Variants in NPEPL1 observed in about 807,000 individuals in gnomAD.
The protein encoded by NPEPL1 is aminopeptidase like 1, also known as probable aminopeptidase NPEPL1.
Under a neutral mutation model 52.4 loss-of-function variants are expected in NPEPL1, and 45 were observed. The ratio of observed to expected loss-of-function variants is 0.86; its 90% confidence interval spans 0.68 to 1.10. The LOEUF (loss-of-function observed/expected upper bound fraction) is 1.10, where lower values mean the gene tolerates loss of function less well. NPEPL1 is among the 50% of genes least tolerant of loss of function. The pLI is 0.00. For synonymous variants in NPEPL1, 360 were observed against 314.7 expected (o/e 1.14, Z -1.52); for missense variants, 696 against 710.9 (o/e 0.98, Z 0.24).
upstream of NPEPL1, chr20:58,691,310 T>C (rs2084338254): frequency 1.6e-6 from 1 of 642,336 alleles, no homozygotes; most frequent in Non-Finnish European, 2.8e-6. Flanking sequence ...AGCGTTGACT[T>C]TTATGTCGGG....
intron 7 of NPEPL1, chr20:58,711,082 CCCGCCT>C (rs1568859727): frequency 9.1e-6 from 1 of 109,312 alleles, no homozygotes; most frequent in Non-Finnish European, 1.8e-5. Flanking sequence ...CTCCTCCCCC[CCCGCCT>C]CCTCTCCTCC....
chr20:58,696,323 C>T (rs2123092254), intron 3 of NPEPL1, among the ~76,000 whole-genome samples: 1 of 152,340 alleles, frequency 6.6e-6, no homozygotes, highest in South Asian at 2.1e-4. Flanking sequence ...CCCAGGGAGG[C>T]CTGGCCCTCT....
chr20:58,700,114 C>T (rs1356381588), intron 5 of NPEPL1, among the ~76,000 whole-genome samples: 1 of 152,190 alleles, frequency 6.6e-6, no homozygotes, highest in Non-Finnish European at 1.5e-5. Flanking sequence ...GCTGTTTGAG[C>T]CACCCTCCGA....
chr20:58,703,952 T>C, intron 6 of NPEPL1: 2 of 985,394 alleles, frequency 2.0e-6, no homozygotes, highest in Non-Finnish European at 2.4e-6. Flanking sequence ...AGCTGGGTGT[T>C]CTGGCACCAG....
intron 10 of NPEPL1, 120 bp downstream of exon 10, chr20:58,714,213 C>G: frequency 8.9e-7 from 1 of 1,129,600 alleles, no homozygotes; most frequent in Non-Finnish European, 1.2e-6. Flanking sequence ...AGCCACAGTG[C>G]AGACGAGGGC....
At chr20:58,699,350 C>A in intron 5 of NPEPL1, 72 bp downstream of exon 5, 1 of 1,143,382 alleles carries the variant, frequency 8.7e-7, no homozygotes, top group South Asian at 1.5e-5. Flanking sequence ...GGCAGGGGGT[C>A]GGCGGGCCAC....
Position 58,713,436 on chromosome 20 carries a change from A to C in NPEPL1, c.1018A>C (p.Asn340His). The C allele has an allele frequency of 6.2e-7, 1 of 1,608,676 alleles. No homozygotes were observed. Residue 340 changes from asparagine (N) to histidine (H), a missense_variant, in exon 9 of 12, where the codon AAC becomes CAC. Physicochemically the swap from Asn to His is moderately conservative, Grantham distance 68 (BLOSUM62 1). Coordinates refer to ENST00000356091, the MANE Select transcript of NPEPL1 (RefSeq NM_024663.4). This position sits in a 1 kb window ranked among gnomAD's most constrained non-coding sequence, Gnocchi z 4.6. Reference protein sequence around the residue: ...LYSGKTVEINNTDAEGRLVLA... With the variant: ...LYSGKTVEINHTDAEGRLVLA... ...ATGCCCCAGGACGGTGGAAATCAAC[A>C]ACACGGATGCCGAGGGCAGGCTGGT...
At chr20:58,691,372 T>C, upstream of NPEPL1, 1 of 253,604 alleles carries the variant, frequency 3.9e-6, no homozygotes, top group Non-Finnish European at 6.6e-6. Flanking sequence ...AGCTTTTTTT[T>C]TTTTTTTTTT....
intron 2 of NPEPL1, 77 bp from the exon 3 acceptor site, chr20:58,694,345 G>A (rs1260117664): frequency 9.8e-6 from 14 of 1,431,820 alleles, no homozygotes; most frequent in Non-Finnish European, 6.6e-6. Flanking sequence ...ATGTTCCGGA[G>A]GCGTTCAAAG....
intron 6 of NPEPL1, chr20:58,704,117 C>CGGGG (rs1399734653): frequency 1.0e-6 from 1 of 985,270 alleles, no homozygotes; most frequent in Non-Finnish European, 1.2e-6. Flanking sequence ...GCAAAGACCC[C>CGGGG]AATCCTGACC....
chr20:58,708,327 CTG>C (rs924788268), intron 7 of NPEPL1, among the ~76,000 whole-genome samples: 3 of 152,236 alleles, frequency 2.0e-5, no homozygotes, highest in Non-Finnish European at 4.4e-5. Context: ...ACATTCCAGA[CTG>C]TGTGACGGGC....
At position 58,701,091 on chromosome 20, in the gene NPEPL1, C is replaced by T. The variant is rs777965170; in HGVS notation, c.755C>T (p.Thr252Met). The change falls in exon 6 of 12, where the codon ACG becomes ATG. Residue 252 changes from threonine (T) to methionine (M), a missense_variant. Thr to Met is a moderately conservative substitution (Grantham distance 81). Transcript: ENST00000356091. ...CTCAGCCACACCCCAGATGGAGCCACGCAGACCATCGCCTGGGTGGGCAAA... is the reference window on the plus strand; with the variant it reads ...CTCAGCCACACCCCAGATGGAGCCATGCAGACCATCGCCTGGGTGGGCAAA... ...AVLSHTPDGA[T>M]QTIAWVGKGI... 19 of 1,593,766 alleles carry T rather than the reference C, an allele frequency of 1.2e-5. No homozygotes were observed. The highest frequency in any genetic ancestry group is 2.7e-5 in the African/African-American group (2 of 74,342).
In NPEPL1 at chr20:58,694,552, T is replaced by C. The variant is rs923351312; in HGVS notation, c.467T>C (p.Val156Ala). The C allele has an allele frequency of 1.9e-6, 3 of 1,613,830 alleles. No individual in the cohort carries two copies. Among genetic ancestry groups the C allele is most frequent in the Admixed American group, 3.3e-5 (2 of 60,016 alleles). Residue 156 changes from valine (V) to alanine (A), a missense_variant, in exon 3 of 12, where the codon GTG becomes GCG. Physicochemically the swap from Val to Ala is moderately conservative, Grantham distance 64. Transcript: ENST00000356091. Reference sequence around the variant, plus strand: ...ACGGTCACCGTGGAGTTTTTCCTGGTGGGACAAGACAACGGGCCGGTGGAG... The same window carrying C: ...ACGGTCACCGTGGAGTTTTTCCTGGCGGGACAAGACAACGGGCCGGTGGAG... ...KKTVTVEFFL[V>A]GQDNGPVEVS...
At chr20:58,703,767 C>T in intron 6 of NPEPL1, 1 of 850,932 alleles carries the variant, frequency 1.2e-6, no homozygotes, top group Middle Eastern at 6.4e-4. Context: ...CACAGGCCTT[C>T]CCTAGAGGCC....
Position 58,692,911 on chromosome 20 carries a change from T to C in NPEPL1, c.11T>C (p.Val4Ala), listed in dbSNP as rs1359592654. The C allele has an allele frequency of 2.8e-6, 3 of 1,079,694 alleles. No individual in the cohort carries two copies. Among genetic ancestry groups the C allele is most frequent in the Non-Finnish European group, 3.4e-6 (3 of 886,978 alleles). 66.9% of individuals were successfully genotyped at this position (1,079,694 alleles called of 1,614,324 possible). ...TGGGCCGGCAGGAAGATGGCGAACG[T>C]GGGGCTGCAGTTCCAGGCGAGCGCG... MAN[V>A]GLQFQASAGD... is the part of the protein sequence containing the mutation. The change falls in exon 1 of 12, where the codon GTG becomes GCG. Residue 4 changes from valine (V) to alanine (A), a missense_variant. Val to Ala is a moderately conservative substitution (Grantham distance 64, BLOSUM62 0). Coordinates refer to ENST00000356091, the MANE Select transcript of NPEPL1 (RefSeq NM_024663.4). The surrounding 1 kb of genome is among the most constrained non-coding windows in gnomAD (Gnocchi z 5.7).
upstream of NPEPL1, chr20:58,691,709 T>TTTTTTTTTTTTTTG: frequency 2.8e-6 from 2 of 710,820 alleles, no homozygotes; most frequent in South Asian, 2.0e-5. Flanking sequence ...TTTTTTTTTT[T>TTTTTTTTTTTTTTG]TTTTTCATTT....
chr20:58,714,314 C>T (rs979249040), intron 10 of NPEPL1: 14 of 620,162 alleles, frequency 2.3e-5, no homozygotes, highest in Non-Finnish European at 3.8e-5. Context: ...GTTTCTCCCC[C>T]AGTCTTGGGT....
intron 6 of NPEPL1, among the ~76,000 whole-genome samples, chr20:58,702,103 T>G (rs2084638812): frequency 6.6e-6 from 1 of 152,240 alleles, no homozygotes; most frequent in Non-Finnish European, 1.5e-5. Context: ...CAGCAGACAC[T>G]GCAAACTAGC....
rs2084543247 is a variant in NPEPL1, at chr20:58,698,685, G to A, written c.509G>A (p.Cys170Tyr). Residue 170 changes from cysteine to tyrosine, a missense_variant and splice_region_variant, in exon 4 of 12, where the codon TGC becomes TAC. Cys to Tyr is a radical substitution (Grantham distance 194, BLOSUM62 -2). Coordinates refer to ENST00000356091, the MANE Select transcript of NPEPL1 (RefSeq NM_024663.4). ...CAGTGATGGCCTTTTTCTCCCTAGT[G>A]CTTAGCGAATGCCACAGACGGCGTG... Reference protein sequence around the residue: ...NGPVEVSTLQCLANATDGVRL... With the variant: ...NGPVEVSTLQYLANATDGVRL... The A allele has an allele frequency of 1.2e-6, 2 of 1,612,404 alleles. No individual in the cohort carries two copies. The highest frequency in any genetic ancestry group is 8.5e-7 in the Non-Finnish European group (1 of 1,179,744).
Sources: allele counts gnomAD v4.1 joint callset (sites outside exome capture counted in the v4.1 genomes callset), GRCh38; gene constraint gnomAD v4.1.1; non-coding constraint Gnocchi (gnomAD v3.1); transcripts MANE v1.5; gene names NCBI Gene and HGNC (gene_info 2026-07-23, HGNC 2026-07-21).